The following CDH5 variants were observed in gnomAD, a reference collection of about 807,000 sequenced individuals.
CDH5 encodes cadherin-5.
In CDH5, 28 loss-of-function variants were observed where a neutral mutation model predicts 62.0. The ratio of observed to expected loss-of-function variants is 0.45; its 90% CI spans 0.33 to 0.62. The LOEUF (loss-of-function observed/expected upper bound fraction) is 0.62. CDH5 is among the 20% of genes least tolerant of loss of function. The pLI is 0.02. For synonymous variants in CDH5, 464 were observed against 445.8 expected (o/e 1.04, Z -0.52); for missense variants, 940 against 1,065.1 (o/e 0.88, Z 1.63).
chr16:66,387,108 T>A lies in CDH5; in HGVS notation c.499+11T>A. The stretch of plus-strand genomic sequence containing the variant: ...AGTCGTCGGCTGTGGGTACGTTGCA[T>A]GCCCACTCTGTCCTCCTCCCTCCCT... On this transcript the variant is annotated intron_variant, in intron 3 of 11. Transcript: ENST00000341529. The A allele has an allele frequency of 1.2e-6, 2 of 1,604,912 alleles. No individual in the cohort carries two copies. Among genetic ancestry groups the A allele is most frequent in the Non-Finnish European group, 1.7e-6 (2 of 1,174,726 alleles).
intron 6 of CDH5, 133 bp from the exon 7 acceptor site, chr16:66,392,003 G>T (rs1961093339): frequency 3.8e-6 from 4 of 1,053,024 alleles, no homozygotes; most frequent in South Asian, 3.0e-5. Flanking sequence ...AATATCACTT[G>T]TCGAGGCCAT....
chr16:66,395,098 G>A (rs1043985122), intron 7 of CDH5, among the ~76,000 whole-genome samples: 9 of 118,226 alleles, frequency 7.6e-5, no homozygotes, highest in Middle Eastern at 6.6e-3. Context: ...ACCTGGGCTG[G>A]GCTGGTCTTG....
rs1390104301 is a variant in CDH5, at chr16:66,390,555, C to T, written c.934C>T (p.Pro312Ser). ...GGACGCTTTCACCATTGAGACAAAC[C>T]CCGCCCACAACGAGGGCATCATCAA... ...YQDAFTIETNPAHNEGIIKPM... is the reference protein window; with the variant it reads ...YQDAFTIETNSAHNEGIIKPM... The change falls in exon 6 of 12, where the codon CCC becomes TCC. Residue 312 changes from proline (P) to serine (S), a missense_variant. Pro to Ser is a moderately conservative substitution (Grantham distance 74). Coordinates refer to ENST00000341529, the MANE Select transcript of CDH5 (RefSeq NM_001795.5). 6.2e-7 allele frequency: 1 copy of T among 1,613,994 alleles called. No individual in the cohort carries two copies. The highest frequency in any genetic ancestry group is 8.5e-7 in the Non-Finnish European group (1 of 1,180,036).
At chr16:66,396,843 T>G (rs1865978) in intron 8 of CDH5, among the ~76,000 whole-genome samples, 1 of 151,950 alleles carries the variant, frequency 6.6e-6, no homozygotes, top group Non-Finnish European at 1.5e-5. Flanking sequence ...AGGAGCCCGC[T>G]AGGCCAAGGA....
chr16:66,373,314 T>C lies in CDH5; in HGVS notation c.-19-6005T>C, dbSNP rs575655445. ...ATTCAGTTTTCAGCTGTGGCTGCAG[T>C]AGATCTGACTGGCCCGGTTTCCTCT... On this transcript the variant is annotated intron_variant, in intron 1 of 11. Coordinates refer to ENST00000341529, the MANE Select transcript of CDH5 (RefSeq NM_001795.5). 1.8e-3 allele frequency among the ~76,000 whole-genome samples: 272 copies of C among 152,206 alleles called. 2 individuals carry two copies. The highest frequency in any genetic ancestry group is 6.3e-3 in the African/African-American group (262 of 41,518).
At chr16:66,384,924 C>A (rs920857353) in intron 2 of CDH5, among the ~76,000 whole-genome samples, 2 of 152,112 alleles carry the variant, frequency 1.3e-5, no homozygotes, top group African/African-American at 2.4e-5. Flanking sequence ...CAAGATCGTG[C>A]CACTGCACTC....
At chr16:66,372,666 T>C (rs924862951) in intron 1 of CDH5, among the ~76,000 whole-genome samples, 1 of 152,172 alleles carries the variant, frequency 6.6e-6, no homozygotes, top group Non-Finnish European at 1.5e-5. Context: ...CTGATCCCAG[T>C]GGCCCCACCC....
intron 1 of CDH5, among the ~76,000 whole-genome samples, chr16:66,375,864 T>C (rs1388066334): frequency 1.3e-5 from 2 of 151,198 alleles, no homozygotes; most frequent in Non-Finnish European, 2.9e-5. Flanking sequence ...TCCCAGCACT[T>C]TGGGAGGCTG....
chr16:66,374,514 C>T (rs936648814), intron 1 of CDH5, among the ~76,000 whole-genome samples: 2 of 152,152 alleles, frequency 1.3e-5, no homozygotes, highest in Non-Finnish European at 2.9e-5. Context: ...CAGCAGGGCC[C>T]CTGCTGGACA....
chr16:66,367,262 G>A (rs1402637302), intron 1 of CDH5, among the ~76,000 whole-genome samples: 3 of 152,234 alleles, frequency 2.0e-5, no homozygotes, highest in African/African-American at 7.2e-5. Flanking sequence ...AGGAAGCTCC[G>A]AGCCTTGGCC....
At position 66,403,260 on chromosome 16, in the gene CDH5, T is replaced by A; in HGVS notation, c.*91T>A. ...GCACCACAGCCTCCAAAAATGGCAG[T>A]GACTCCCCAGCCCAGCACCCCTTCC... On this transcript the variant is annotated 3_prime_UTR_variant, in exon 12 of 12. Transcript: ENST00000341529. The surrounding 1 kb of genome is among the most constrained non-coding windows in gnomAD (Gnocchi z 4.3). The A allele has an allele frequency of 8.2e-7, 1 of 1,220,716 alleles. No individual in the cohort carries two copies. Among genetic ancestry groups the A allele is most frequent in the Non-Finnish European group, 1.1e-6 (1 of 881,108 alleles). 75.6% of individuals were successfully genotyped at this position (1,220,716 alleles called of 1,614,324 possible).
At position 66,384,661 on chromosome 16, in the gene CDH5, C is replaced by CAAAA. The variant is rs10630303; in HGVS notation, c.211-2131_211-2128dup. On this transcript the variant is annotated intron_variant, in intron 2 of 11. Transcript: ENST00000341529. The stretch of plus-strand genomic sequence containing the variant: ...CCCAGCTACTCCGGAGTACCTGTCT[C>CAAAA]AAAAAAAAAAAAAAAAAAAAGAGGC... 4.6e-3 allele frequency among the ~76,000 whole-genome samples: 465 copies of CAAAA among 101,458 alleles called. 7 individuals carry two copies. Among genetic ancestry groups the CAAAA allele is most frequent in the African/African-American group, 0.01 (254 of 25,128 alleles). 66.6% of individuals were successfully genotyped at this position (101,458 alleles called of 152,430 possible).
chr16:66,383,366 T>C (rs1467400239), intron 2 of CDH5, among the ~76,000 whole-genome samples: 1 of 152,182 alleles, frequency 6.6e-6, no homozygotes, highest in African/African-American at 2.4e-5. Context: ...ATCTGGAAAC[T>C]CTCTGCCCTA....
rs781437087 is a variant in CDH5 at position 66,398,551 on chromosome 16, G to A, written c.1581G>A (p.Thr527=). The part of the protein sequence containing the change: ...ILNTENNFTL[T]DNHDNTANIT... ...ATACTGAGAACAACTTTACCCTCACGGATAATCACGGTAGGCATCAAAGTA... is the reference window on the plus strand; with the variant it reads ...ATACTGAGAACAACTTTACCCTCACAGATAATCACGGTAGGCATCAAAGTA... The change falls in exon 10 of 12, where the codon ACG becomes ACA. Residue 527 remains threonine (T), a synonymous_variant. Coordinates refer to ENST00000341529, the MANE Select transcript of CDH5 (RefSeq NM_001795.5). The A allele has an allele frequency of 9.8e-6, 15 of 1,528,062 alleles. No individual in the cohort carries two copies. The highest frequency in any genetic ancestry group is 6.8e-5 in the African/African-American group (5 of 73,186). The allele number at this position is 1,528,062 out of a possible 1,614,324, so 94.7% of individuals were successfully genotyped here.
At chr16:66,370,370 G>A (rs1434849877) in intron 1 of CDH5, among the ~76,000 whole-genome samples, 2 of 152,118 alleles carry the variant, frequency 1.3e-5, no homozygotes, top group Non-Finnish European at 2.9e-5. Context: ...CTTTTGGGCA[G>A]TCCCATGGCA....
chr16:66,375,448 T>C (rs1310000139), intron 1 of CDH5, among the ~76,000 whole-genome samples: 1 of 152,022 alleles, frequency 6.6e-6, no homozygotes, highest in Non-Finnish European at 1.5e-5. Context: ...GAGGATTGCT[T>C]GAGCCCAGGA....
At chr16:66,396,289 C>T in intron 8 of CDH5, 88 bp downstream of exon 8, 1 of 1,541,972 alleles carries the variant, frequency 6.5e-7, no homozygotes. Context: ...TTTGGGGTCT[C>T]TAGACGTATT....
intron 11 of CDH5, 67 bp downstream of exon 11, chr16:66,401,083 G>A: frequency 1.9e-6 from 3 of 1,603,400 alleles, no homozygotes; most frequent in Non-Finnish European, 8.5e-7. Flanking sequence ...TTGGGAGGCG[G>A]GGAGGCTTCA....
chr16:66,392,310 A>G lies in CDH5; in HGVS notation c.1144A>G (p.Lys382Glu). ...FQQPFYHFQL[K>E]ENQKKPLIGT... ...GCAGCCTTTCTACCACTTCCAGCTG[A>G]AGGAAAACCAGAAGAAGCCTCTGAT... Residue 382 changes from lysine (K) to glutamate (E), a missense_variant, in exon 7 of 12, where the codon AAG becomes GAG. Coordinates refer to ENST00000341529, the MANE Select transcript of CDH5 (RefSeq NM_001795.5). 6.2e-7 allele frequency: 1 copy of G among 1,614,132 alleles called. No individual in the cohort carries two copies. The highest frequency in any genetic ancestry group is 1.1e-5 in the South Asian group (1 of 91,078).
Sources: gnomAD v4.1 joint callset for allele counts (sites outside exome capture counted in the v4.1 genomes callset) on GRCh38, gnomAD v4.1.1 for gene constraint, Gnocchi (gnomAD v3.1) non-coding constraint, MANE v1.5 for transcripts, NCBI Gene and HGNC (gene_info 2026-07-23, HGNC 2026-07-21) for gene names.